The following GNAQ variants were observed in gnomAD, a reference collection of about 807,000 sequenced individuals.
GNAQ encodes the protein guanine nucleotide-binding protein G(q) subunit alpha.
In GNAQ, 8 loss-of-function variants were observed where a neutral mutation model predicts 43.9. The observed-to-expected ratio is 0.18, with a 90% CI of 0.11 to 0.33. The LOEUF (loss-of-function observed/expected upper bound fraction) is 0.33, where lower values mean the gene tolerates loss of function less well. Ranked by LOEUF, GNAQ falls within the 10% of genes least tolerant of loss-of-function variation. The pLI is 1.00. For missense variants in GNAQ, 158 were observed against 450.8 expected, an observed-to-expected ratio of 0.35 and a Z score of 5.88; for synonymous variants, 155 against 170.7, an observed-to-expected ratio of 0.91 and a Z score of 0.71.
chr9:77,973,130 G>A (rs1237489333), intron 1 of GNAQ, among the ~76,000 whole-genome samples: 1 of 151,776 alleles, frequency 6.6e-6, no homozygotes, highest in Non-Finnish European at 1.5e-5. Context: ...TTTTTTAGAG[G>A]TTAACAAATG....
chr9:77,769,423 G>C (rs1826185408), intron 5 of GNAQ, among the ~76,000 whole-genome samples: 1 of 150,970 alleles, frequency 6.6e-6, no homozygotes. Context: ...AAAGGAAGAA[G>C]AACTAATCTG....
At chr9:78,007,137 T>C (rs911469357) in intron 1 of GNAQ, among the ~76,000 whole-genome samples, 3 of 152,140 alleles carry the variant, frequency 2.0e-5, no homozygotes, top group Non-Finnish European at 4.4e-5. Context: ...ATAGGTGACA[T>C]TTGCCTCTAA....
chr9:77,993,414 A>C (rs1490044026), intron 1 of GNAQ, among the ~76,000 whole-genome samples: 2 of 152,162 alleles, frequency 1.3e-5, no homozygotes, highest in African/African-American at 4.8e-5. Flanking sequence ...AAAAGTGCAG[A>C]TAGGCCAGGC....
At chr9:77,728,057 C>T (rs1017558592) in intron 6 of GNAQ, among the ~76,000 whole-genome samples, 1 of 151,892 alleles carries the variant, frequency 6.6e-6, no homozygotes, top group Middle Eastern at 3.4e-3. Context: ...TGCAGTGGCG[C>T]GATCTTGGCT....
At chr9:78,016,957 CGTTATGTTATGTTAT>C (rs369022784) in intron 1 of GNAQ, among the ~76,000 whole-genome samples, 4 of 151,838 alleles carry the variant, frequency 2.6e-5, no homozygotes, top group Non-Finnish European at 5.9e-5. Context: ...TGTTACGTTA[CGTTATGTTATGTTAT>C]GTTATGTTAT....
At chr9:78,009,779 A>G (rs1165078589) in intron 1 of GNAQ, among the ~76,000 whole-genome samples, 1 of 152,212 alleles carries the variant, frequency 6.6e-6, no homozygotes, top group Non-Finnish European at 1.5e-5. Context: ...TGTTCCCAGA[A>G]TTAGGATGAA....
chr9:77,733,398 C>A (rs1343994703), intron 5 of GNAQ, among the ~76,000 whole-genome samples: 1 of 152,184 alleles, frequency 6.6e-6, no homozygotes, highest in South Asian at 2.1e-4. Context: ...TCTGGCCTGG[C>A]ATTCACAGCT....
chr9:78,019,653 T>C (rs960038431), intron 1 of GNAQ, among the ~76,000 whole-genome samples: 1 of 152,110 alleles, frequency 6.6e-6, no homozygotes, highest in African/African-American at 2.4e-5. Flanking sequence ...CCAGGTGCGG[T>C]GGCTCAAGCC....
chr9:77,868,989 G>T (rs774892655), intron 2 of GNAQ, among the ~76,000 whole-genome samples: 8 of 151,670 alleles, frequency 5.3e-5, no homozygotes, highest in Non-Finnish European at 1.2e-4. Context: ...TCTGTCTTGC[G>T]GGGGAGGGGG....
intron 3 of GNAQ, among the ~76,000 whole-genome samples, chr9:77,805,125 T>C (rs1284348739): frequency 6.6e-6 from 1 of 152,146 alleles, no homozygotes; most frequent in Non-Finnish European, 1.5e-5. Context: ...AAAACTGGTA[T>C]CTTGAGGGGA....
intron 1 of GNAQ, among the ~76,000 whole-genome samples, chr9:77,969,775 A>G (rs1183690393): frequency 6.6e-6 from 1 of 152,170 alleles, no homozygotes; most frequent in East Asian, 1.9e-4. Context: ...TCATATATCC[A>G]TCAGGCATGT....
chr9:77,761,163 T>TG (rs1231089340), intron 5 of GNAQ, among the ~76,000 whole-genome samples: 12 of 106,794 alleles, frequency 1.1e-4, no homozygotes, highest in Admixed American at 5.7e-4. Context: ...GGGAGGGAGG[T>TG]GGGGGGGTCA....
At chr9:77,861,074 A>C (rs1827842402) in intron 2 of GNAQ, among the ~76,000 whole-genome samples, 1 of 152,226 alleles carries the variant, frequency 6.6e-6, no homozygotes, top group African/African-American at 2.4e-5. Context: ...ACGGACTTAC[A>C]GTTCCATGTG....
At chr9:77,758,902 T>A (rs1272574386) in intron 5 of GNAQ, among the ~76,000 whole-genome samples, 1 of 152,164 alleles carries the variant, frequency 6.6e-6, no homozygotes, top group Non-Finnish European at 1.5e-5. Flanking sequence ...TATTTAAAAA[T>A]TTGAAAGATA....
At chr9:77,916,344 T>C (rs1159512186) in intron 2 of GNAQ, among the ~76,000 whole-genome samples, 1 of 152,212 alleles carries the variant, frequency 6.6e-6, no homozygotes, top group Non-Finnish European at 1.5e-5. Flanking sequence ...AAATCAGCCT[T>C]TTGGCATTTT....
chr9:77,903,452 T>C (rs999975658), intron 2 of GNAQ, among the ~76,000 whole-genome samples: 4 of 151,946 alleles, frequency 2.6e-5, no homozygotes, highest in Admixed American at 6.6e-5. Flanking sequence ...AGGAGGAAAA[T>C]GGAAAATGTT....
intron 1 of GNAQ, among the ~76,000 whole-genome samples, chr9:77,974,059 T>C (rs1286472220): frequency 6.6e-6 from 1 of 152,192 alleles, no homozygotes; most frequent in Non-Finnish European, 1.5e-5. Flanking sequence ...ATCTTTAAAA[T>C]ATAACTCATT....
At chr9:78,016,730 G>A (rs1237948389) in intron 1 of GNAQ, among the ~76,000 whole-genome samples, 1 of 151,844 alleles carries the variant, frequency 6.6e-6, no homozygotes, top group Non-Finnish European at 1.5e-5. Context: ...AAAAGTGATA[G>A]AAAATCTAAT....
At chr9:77,910,147 T>C (rs1269787205) in intron 2 of GNAQ, among the ~76,000 whole-genome samples, 2 of 152,182 alleles carry the variant, frequency 1.3e-5, no homozygotes, top group Non-Finnish European at 2.9e-5. Context: ...AACTATTGCT[T>C]TGCTAAATAT....
Sources: allele counts gnomAD v4.1 joint callset (sites outside exome capture counted in the v4.1 genomes callset), GRCh38; gene constraint gnomAD v4.1.1; transcripts MANE v1.5; gene names NCBI Gene and HGNC (gene_info 2026-07-23, HGNC 2026-07-21).